RBFOX1: variants seen among roughly 807,000 people sequenced by gnomAD.
RBFOX1 encodes the protein RNA binding fox-1 homolog 1.
RBFOX1 carries 8 observed loss-of-function variants against 57.7 expected under a neutral mutation model. That is an observed-to-expected ratio of 0.14 (90% CI 0.08 to 0.25). RBFOX1 has a LOEUF of 0.25. Among genes scored for constraint, RBFOX1 ranks in the 10% least tolerant of loss-of-function variants. The pLI is 1.00. For missense variants in RBFOX1, 611 were observed against 548.5 expected, an observed-to-expected ratio of 1.11 and a Z score of -1.14; for synonymous variants, 326 against 222.4, an observed-to-expected ratio of 1.47 and a Z score of -4.15.
chr16:5,951,456 T>C (rs1206383524), intron 4 of RBFOX1, among the ~76,000 whole-genome samples: 1 of 150,850 alleles, frequency 6.6e-6, no homozygotes, highest in Non-Finnish European at 1.5e-5. Flanking sequence ...TCAAAATATA[T>C]GTGTGTGTGT....
At chr16:7,655,651 C>G (rs933831211) in intron 12 of RBFOX1, among the ~76,000 whole-genome samples, 2 of 152,190 alleles carry the variant, frequency 1.3e-5, no homozygotes, top group Admixed American at 1.3e-4. Flanking sequence ...TACCTTTGGG[C>G]TCATGTAATT....
chr16:5,712,694 C>G (rs1360925519), intron 3 of RBFOX1, among the ~76,000 whole-genome samples: 2 of 152,174 alleles, frequency 1.3e-5, no homozygotes, highest in African/African-American at 2.4e-5. Context: ...ATAGCAGAGT[C>G]CAGATTTTAA....
intron 4 of RBFOX1, among the ~76,000 whole-genome samples, chr16:7,228,812 A>T (rs570226753): frequency 1.3e-5 from 2 of 152,234 alleles, no homozygotes; most frequent in Admixed American, 6.5e-5. Context: ...GATTAAAAAC[A>T]TAATCTCTCG....
chr16:6,332,072 CA>C (rs1345424879), intron 2 of RBFOX1, among the ~76,000 whole-genome samples: 2 of 152,098 alleles, frequency 1.3e-5, no homozygotes, highest in Non-Finnish European at 2.9e-5. Context: ...TGTGAGGTAG[CA>C]GGAAAATAAT....
chr16:6,927,691 C>T (rs1356501194), intron 3 of RBFOX1, among the ~76,000 whole-genome samples: 1 of 150,972 alleles, frequency 6.6e-6, no homozygotes, highest in Non-Finnish European at 1.5e-5. Context: ...TTTGGGGGAG[C>T]AGATTTTAGG....
intron 4 of RBFOX1, among the ~76,000 whole-genome samples, chr16:7,070,277 C>A (rs890679394): frequency 6.6e-6 from 1 of 152,150 alleles, no homozygotes; most frequent in African/African-American, 2.4e-5. Flanking sequence ...TTTATACTTG[C>A]CTCAGTGTGG....
At chr16:6,853,129 A>C (rs377606164) in intron 3 of RBFOX1, among the ~76,000 whole-genome samples, 5 of 152,102 alleles carry the variant, frequency 3.3e-5, no homozygotes, top group African/African-American at 1.2e-4. Context: ...GATTGTGCGA[A>C]CTTGGGAAAG....
intron 1 of RBFOX1, among the ~76,000 whole-genome samples, chr16:6,089,699 G>A (rs1182746472): frequency 2.0e-5 from 3 of 152,156 alleles, no homozygotes; most frequent in Admixed American, 6.5e-5. Context: ...GGAGGCCTTG[G>A]GGATGTAGAA....
At chr16:7,458,676 A>G (rs892503536) in intron 4 of RBFOX1, among the ~76,000 whole-genome samples, 10 of 151,738 alleles carry the variant, frequency 6.6e-5, no homozygotes, top group Admixed American at 2.0e-4. Flanking sequence ...CTAGAATGCA[A>G]TTTTTTTCAA....
At chr16:6,016,513 C>T (rs2094994750), upstream of RBFOX1, among the ~76,000 whole-genome samples, 1 of 152,100 alleles carries the variant, frequency 6.6e-6, no homozygotes, top group South Asian at 2.1e-4. Flanking sequence ...TAATGAAGAG[C>T]TATAGGAAGA....
intron 3 of RBFOX1, among the ~76,000 whole-genome samples, chr16:6,918,957 C>G (rs995679510): frequency 7.2e-5 from 11 of 152,050 alleles, no homozygotes; most frequent in Non-Finnish European, 1.5e-4. Context: ...ACCATTTCTC[C>G]ATTTAATAAC....
At position 6,287,817 on chromosome 16, in the gene RBFOX1, T is replaced by C. The variant is rs143687523; in HGVS notation, c.-126-29178T>C. The stretch of plus-strand genomic sequence containing the variant: ...CCTATATGTGGAGGAACTCCAAAAT[T>C]ATTATGCTATTGTTTCTAATCTAGA... On this transcript the variant is annotated intron_variant, in intron 1 of 15. Transcript: ENST00000550418. Among the ~76,000 whole-genome samples the C allele has an allele frequency of 2.7e-3, 410 of 152,292 alleles. 2 individuals carry two copies. The highest frequency in any genetic ancestry group is 5.0e-3 in the Admixed American group (76 of 15,284).
At chr16:6,982,471 G>T (rs12102424) in intron 3 of RBFOX1, among the ~76,000 whole-genome samples, 1 of 152,080 alleles carries the variant, frequency 6.6e-6, no homozygotes, top group African/African-American at 2.4e-5. Context: ...CTTCTCATTC[G>T]TTCATGAGAG....
At chr16:6,086,317 T>G (rs763295152) in intron 1 of RBFOX1, among the ~76,000 whole-genome samples, 6 of 152,186 alleles carry the variant, frequency 3.9e-5, no homozygotes. Context: ...TGTTATTTGC[T>G]GTTCACCCAG....
intron 4 of RBFOX1, among the ~76,000 whole-genome samples, chr16:7,272,332 C>T (rs1402008901): frequency 4.6e-5 from 7 of 152,110 alleles, no homozygotes; most frequent in African/African-American, 1.7e-4. Flanking sequence ...TTACAGGCGC[C>T]CACCACTACA....
intron 2 of RBFOX1, among the ~76,000 whole-genome samples, chr16:6,388,974 A>T (rs945931431): frequency 3.3e-5 from 5 of 152,188 alleles, no homozygotes; most frequent in African/African-American, 1.2e-4. Flanking sequence ...ACATCACTTG[A>T]AAGGTCCCTG....
In RBFOX1 at chr16:7,518,131, C is replaced by G. The variant is rs760251480; in HGVS notation, c.28-16C>G. ...CATGACGTTCTCTCCCTCTCTGCAC[C>G]TTTTTGATTTTTCAGGGTAATCAGG... On this transcript the variant is annotated splice_polypyrimidine_tract_variant and intron_variant, in intron 4 of 15. Transcript: ENST00000550418. The G allele has an allele frequency of 2.5e-6, 4 of 1,604,570 alleles. No individual in the cohort carries two copies. The highest frequency in any genetic ancestry group is 3.4e-6 in the Non-Finnish European group (4 of 1,175,072).
intron 3 of RBFOX1, among the ~76,000 whole-genome samples, chr16:6,655,040 T>A (rs1027257440): frequency 1.3e-5 from 2 of 151,586 alleles, no homozygotes; most frequent in Non-Finnish European, 2.9e-5. Flanking sequence ...ATATTAGGCT[T>A]CCCAGGGTGT....
chr16:5,351,561 G>T (rs2065263107), intron 1 of RBFOX1, among the ~76,000 whole-genome samples: 1 of 152,194 alleles, frequency 6.6e-6, no homozygotes. Context: ...TCAACTCAAG[G>T]TGTTATGAAG....
Sources: allele counts gnomAD v4.1 joint callset (sites outside exome capture counted in the v4.1 genomes callset), GRCh38; gene constraint gnomAD v4.1.1; transcripts MANE v1.5; gene names NCBI Gene and HGNC (gene_info 2026-07-23, HGNC 2026-07-21).